The following NID2 variants were observed in gnomAD, a reference collection of about 807,000 sequenced individuals.
The protein encoded by NID2 is nidogen-2.
A neutral mutation model predicts 145.4 loss-of-function variants in NID2; 83 were observed. That is an observed-to-expected ratio of 0.57 (90% CI 0.48 to 0.69). The LOEUF is 0.69. Among genes scored for constraint, NID2 ranks in the 30% least tolerant of loss-of-function variants. The probability of loss-of-function intolerance (pLI) is 0.00; values close to 1 mark genes in which losing one functional copy is unlikely to be tolerated. For synonymous variants in NID2, 739 were observed against 701.3 expected (o/e 1.05, Z -0.85); for missense variants, 1,807 against 1,765.7 (o/e 1.02, Z -0.42).
In NID2 at chr14:52,042,872, G is replaced by C. The variant is rs753969700; in HGVS notation, c.1489C>G (p.Arg497Gly). Residue 497 changes from arginine to glycine, a missense_variant, in exon 6 of 22, where the codon CGG (arginine) becomes GGG (glycine). Coordinates refer to ENST00000216286, the MANE Select transcript of NID2 (RefSeq NM_007361.4). ...GCATAGTCCGTGCAGAAGGCATGCC[G>C]GGAGCATTGTCTGTGGTTGTGTTCA... ...TCEHNHRQCS[R>G]HAFCTDYATG... is the part of the protein sequence containing the mutation. 1.1e-5 allele frequency: 17 copies of C among 1,614,020 alleles called. No individual in the cohort carries two copies. The East Asian group carries it at 3.6e-4, about 34-fold the overall frequency.
chr14:52,047,092 G>A (rs1024783406), intron 5 of NID2, among the ~76,000 whole-genome samples: 4 of 152,200 alleles, frequency 2.6e-5, no homozygotes, highest in Admixed American at 6.5e-5. Flanking sequence ...CTATAGACCT[G>A]TACCTAGTCT....
intron 2 of NID2, among the ~76,000 whole-genome samples, chr14:52,066,107 T>G (rs1968009): frequency 0.01 from 1,537 of 152,210 alleles, 27 homozygotes; most frequent in African/African-American, 0.034. Flanking sequence ...TGTCTGCAGG[T>G]GGATTTTAAT....
intron 3 of NID2, 139 bp from the exon 4 acceptor site, chr14:52,054,460 G>A: frequency 2.4e-6 from 2 of 849,124 alleles, no homozygotes; most frequent in East Asian, 5.3e-5. Context: ...CCAGCACTTT[G>A]CAAGGCCAAA....
chr14:52,024,975 T>C (rs1441102818), intron 12 of NID2, among the ~76,000 whole-genome samples: 3 of 152,178 alleles, frequency 2.0e-5, no homozygotes, highest in Non-Finnish European at 4.4e-5. Context: ...ACTCATCATA[T>C]CTAGGCTGAA....
At position 52,005,494 on chromosome 14, in the gene NID2, T is replaced by TC. The variant is rs1890735779; in HGVS notation, c.4119_4120insG (p.Arg1374GlufsTer8). ...CCTTTACATTACTGTACTTACTTTC[T>TC]TCCTGTGAGAGAAGAGCAGGGGTGG... On this transcript the variant is annotated frameshift_variant and splice_region_variant, in exon 22 of 22. Coordinates refer to ENST00000216286, the MANE Select transcript of NID2 (RefSeq NM_007361.4). LOFTEE classifies it high-confidence loss of function. 1 of 1,598,692 alleles carries TC rather than the reference T, an allele frequency of 6.3e-7. No homozygotes were observed. The highest frequency in any genetic ancestry group is 1.4e-5 in the African/African-American group (1 of 74,070).
chr14:52,068,251 G>T, intron 1 of NID2, 88 bp from the exon 2 acceptor site: 1 of 1,315,030 alleles, frequency 7.6e-7, no homozygotes, highest in Non-Finnish European at 1.1e-6. Context: ...AACTGACTTA[G>T]GCAAAAAGCC....
At chr14:52,009,742 TC>T (rs1890934409) in intron 18 of NID2, 1 of 152,208 alleles carries the variant, frequency 6.6e-6, no homozygotes, top group South Asian at 2.1e-4. Flanking sequence ...ATACCTATAA[TC>T]CCAGCACTTT....
chr14:52,042,873 G>A lies in NID2; in HGVS notation c.1488C>T (p.Ser496=). 1 of 1,614,184 alleles carries A rather than the reference G, an allele frequency of 6.2e-7. No individual in the cohort carries two copies. The part of the protein sequence containing the change: ...ETCEHNHRQC[S]RHAFCTDYAT... ...CATAGTCCGTGCAGAAGGCATGCCG[G>A]GAGCATTGTCTGTGGTTGTGTTCAC... The change falls in exon 6 of 22, where the codon TCC becomes TCT. Residue 496 remains serine (S), a synonymous_variant. Coordinates refer to ENST00000216286, the MANE Select transcript of NID2 (RefSeq NM_007361.4).
rs71121681 is a variant in NID2 at position 52,060,364 on chromosome 14, G to GAAAA, written c.535-12_535-9dup. On this transcript the variant is annotated splice_polypyrimidine_tract_variant and intron_variant, in intron 2 of 21. Transcript: ENST00000216286. ...TGCCTGGAAAGTGTTCAGCTGTGAG[G>GAAAA]AAAAAAAAAAAAAAAGAGAGAGAGA... The GAAAA allele has an allele frequency of 3.1e-5, 23 of 743,444 alleles. No homozygotes were observed. Among genetic ancestry groups the GAAAA allele is most frequent in the South Asian group, 1.4e-4 (3 of 20,900 alleles). The allele number at this position is 743,444 out of a possible 1,614,324, so 46.1% of individuals were successfully genotyped here. A position where few individuals can be genotyped will look rare whatever the true frequency, so the allele number is the denominator to read the frequency against.
At chr14:52,038,237 G>T (rs55889873) in intron 9 of NID2, among the ~76,000 whole-genome samples, 6,794 of 152,262 alleles carry the variant, frequency 0.045, 184 homozygotes, top group Middle Eastern at 0.082. Flanking sequence ...AATCATGGAG[G>T]GGGAGGTTAT....
At chr14:52,068,744 T>G (rs1259102994) in intron 1 of NID2, 23 bp downstream of exon 1, 2 of 1,583,752 alleles carry the variant, frequency 1.3e-6, no homozygotes, top group Non-Finnish European at 1.7e-6. Context: ...GCGGGAAAAG[T>G]GCCAGGAGGG....
intron 12 of NID2, among the ~76,000 whole-genome samples, chr14:52,026,146 G>T (rs1936017971): frequency 6.6e-6 from 1 of 152,208 alleles, no homozygotes; most frequent in South Asian, 2.1e-4. Flanking sequence ...TCAGCCTGCT[G>T]TCCACTCAGC....
At chr14:52,064,476 T>C (rs1389763645) in intron 2 of NID2, among the ~76,000 whole-genome samples, 1 of 152,136 alleles carries the variant, frequency 6.6e-6, no homozygotes, top group Non-Finnish European at 1.5e-5. Flanking sequence ...CCTCTTCTTA[T>C]AAAGCAACCA....
intron 11 of NID2, among the ~76,000 whole-genome samples, 153 bp from the exon 12 acceptor site, chr14:52,027,497 T>G (rs1194321341): frequency 6.6e-6 from 1 of 152,146 alleles, no homozygotes; most frequent in Non-Finnish European, 1.5e-5. Context: ...AATCTGGATT[T>G]TAATAAGATT....
At chr14:52,019,412 CTTATT>C (rs1352266210) in intron 13 of NID2, 118 bp from the exon 14 acceptor site, 4 of 716,254 alleles carry the variant, frequency 5.6e-6, no homozygotes, top group Middle Eastern at 3.6e-4. Flanking sequence ...GCCCGAGATT[CTTATT>C]TTATAATACC....
In NID2 at chr14:52,034,400, T is replaced by A. The variant is rs551505211; in HGVS notation, c.2257+4347A>T. ...TAAAGGTAAAGACCATTCTCCCCAGTAGGTTTAAATCTCTCTTTGAGAAAT... is the reference window on the plus strand; with the variant it reads ...TAAAGGTAAAGACCATTCTCCCCAGAAGGTTTAAATCTCTCTTTGAGAAAT... On this transcript the variant is annotated intron_variant, in intron 9 of 21. Coordinates refer to ENST00000216286, the MANE Select transcript of NID2 (RefSeq NM_007361.4). Among the ~76,000 whole-genome samples the A allele has an allele frequency of 7.2e-5, 11 of 152,284 alleles. 1 individual carries two copies. The South Asian group carries it at 2.3e-3, about 32-fold the overall frequency.
chr14:52,013,560 A>C (rs1232298785), intron 16 of NID2, among the ~76,000 whole-genome samples: 1 of 152,210 alleles, frequency 6.6e-6, no homozygotes. Flanking sequence ...GAAGTTCAAC[A>C]ATGGAATCAG....
At chr14:52,033,449 C>T (rs1891944699) in intron 9 of NID2, among the ~76,000 whole-genome samples, 1 of 151,900 alleles carries the variant, frequency 6.6e-6, no homozygotes, top group African/African-American at 2.4e-5. Flanking sequence ...AAGCTTAAAG[C>T]TCAAACAACT....
intron 12 of NID2, among the ~76,000 whole-genome samples, chr14:52,023,147 G>A (rs1449019977): frequency 6.6e-6 from 1 of 152,262 alleles, no homozygotes; most frequent in African/African-American, 2.4e-5. Flanking sequence ...AACCTGGCCA[G>A]GCACATAATG....
Sources: allele counts gnomAD v4.1 joint callset (sites outside exome capture counted in the v4.1 genomes callset), GRCh38; gene constraint gnomAD v4.1.1; transcripts MANE v1.5; gene names NCBI Gene and HGNC (gene_info 2026-07-23, HGNC 2026-07-21).